The following NDRG3 variants were observed in gnomAD, a reference collection of about 807,000 sequenced individuals.
The protein encoded by NDRG3 is NDRG family member 3.
In NDRG3, 23 loss-of-function variants were observed where a neutral mutation model predicts 57.2. The ratio of observed to expected loss-of-function variants is 0.40; its 90% CI spans 0.29 to 0.57. The LOEUF is 0.57. NDRG3 is among the 20% of genes least tolerant of loss of function. The pLI is 0.42. For synonymous variants in NDRG3, 132 were observed against 162.6 expected (o/e 0.81, Z 1.43); for missense variants, 384 against 457.3 (o/e 0.84, Z 1.46).
chr20:36,717,577 G>T (rs900866950), intron 2 of NDRG3, among the ~76,000 whole-genome samples: 1 of 152,138 alleles, frequency 6.6e-6, no homozygotes, highest in African/African-American at 2.4e-5. Flanking sequence ...TTCTTTACTG[G>T]GCAAACCAGC....
rs1323097755 is a variant in NDRG3 at position 36,715,028 on chromosome 20, A to G, written c.57+6651T>C. Among the ~76,000 whole-genome samples, 22 of 115,198 alleles carry G rather than the reference A, an allele frequency of 1.9e-4. 1 individual carries two copies. Among genetic ancestry groups the G allele is most frequent in the African/African-American group, 5.9e-4 (16 of 27,188 alleles). The allele number at this position is 115,198 out of a possible 152,430, so 75.6% of individuals were successfully genotyped here. ...TGTGTATATATATATATATATATAT[A>G]TATATATATATATATATATATATAT... On this transcript the variant is annotated intron_variant, in intron 2 of 15. Transcript: ENST00000349004.
chr20:36,711,985 TA>T (rs1454433513), intron 2 of NDRG3, among the ~76,000 whole-genome samples: 1 of 152,222 alleles, frequency 6.6e-6, no homozygotes, highest in African/African-American at 2.4e-5. Context: ...TTCACCATGT[TA>T]GCCAGGATGG....
rs370368164 is a variant in NDRG3 at position 36,653,661 on chromosome 20, G to C, written c.987C>G (p.Thr329=). The change falls in exon 16 of 16, where the codon ACC becomes ACG. Residue 329 remains threonine, a synonymous_variant. Transcript: ENST00000349004. This position sits in a 1 kb window ranked among gnomAD's most constrained non-coding sequence, Gnocchi z 4.2. The part of the protein sequence containing the change: ...ASMTRLARSR[T]HSTSSSLGSG... ...AGCCGAGGCTACTCGAGGTTGAGTGGGTTCGTGATCGGGCGAGCCGAGTCA... is the reference window on the plus strand; with the variant it reads ...AGCCGAGGCTACTCGAGGTTGAGTGCGTTCGTGATCGGGCGAGCCGAGTCA... 1.2e-6 allele frequency: 2 copies of C among 1,614,112 alleles called. No homozygotes were observed. Among genetic ancestry groups the C allele is most frequent in the Non-Finnish European group, 8.5e-7 (1 of 1,180,046 alleles).
chr20:36,700,113 CAA>C (rs1294581784), intron 3 of NDRG3, among the ~76,000 whole-genome samples: 8 of 47,104 alleles, frequency 1.7e-4, no homozygotes, highest in Non-Finnish European at 2.8e-4. Flanking sequence ...CAATCAGTCT[CAA>C]AAAAAAAAAA....
At chr20:36,742,667 C>G (rs1234765330) in intron 1 of NDRG3, among the ~76,000 whole-genome samples, 1 of 152,088 alleles carries the variant, frequency 6.6e-6, no homozygotes, top group East Asian at 1.9e-4. Context: ...CCATTATAGT[C>G]TAATATTGCT....
In NDRG3 at chr20:36,653,329, A is replaced by C. The variant is rs1001416723; in HGVS notation, c.*191T>G. The C allele has an allele frequency of 9.1e-6, 5 of 549,920 alleles. No homozygotes were observed. The highest frequency in any genetic ancestry group is 1.3e-5 in the Non-Finnish European group (4 of 310,792). The allele number at this position is 549,920 out of a possible 1,614,324, so 34.1% of individuals were successfully genotyped here. A position where few individuals can be genotyped will look rare whatever the true frequency, so the allele number is the denominator to read the frequency against. On this transcript the variant is annotated 3_prime_UTR_variant, in exon 16 of 16. Transcript: ENST00000349004. The surrounding 1 kb of genome is among the most constrained non-coding windows in gnomAD (Gnocchi z 4.2). ...TTGGAATGTTACAGTATGGCATGGA[A>C]GTGGTTCTTGGGCTATACAAAAAAG... is the stretch of plus-strand genomic sequence containing the variant.
intron 10 of NDRG3, 41 bp from the exon 11 acceptor site, chr20:36,665,342 G>A: frequency 6.3e-7 from 1 of 1,581,880 alleles, no homozygotes; most frequent in Non-Finnish European, 8.7e-7. Flanking sequence ...TTTGGGTAAA[G>A]TCATAGCAAC....
intron 3 of NDRG3, among the ~76,000 whole-genome samples, chr20:36,702,296 CG>C (rs2148160394): frequency 6.6e-6 from 1 of 152,070 alleles, no homozygotes; most frequent in Non-Finnish European, 1.5e-5. Flanking sequence ...GCCACTATGC[CG>C]GCTAATTTTT....
intron 2 of NDRG3, among the ~76,000 whole-genome samples, chr20:36,717,675 C>T (rs1012987993): frequency 3.9e-5 from 6 of 152,180 alleles, no homozygotes; most frequent in African/African-American, 9.7e-5. Flanking sequence ...ATGTAAAGCA[C>T]TTGGCACATA....
chr20:36,665,192 T>C, intron 11 of NDRG3, 44 bp downstream of exon 11: 1 of 1,601,454 alleles, frequency 6.2e-7, no homozygotes, highest in Non-Finnish European at 8.6e-7. Flanking sequence ...AACACCAAAT[T>C]AGTCTATATT....
chr20:36,719,688 G>A (rs1381310550), intron 2 of NDRG3, among the ~76,000 whole-genome samples: 7 of 79,972 alleles, frequency 8.8e-5, no homozygotes, highest in Non-Finnish European at 1.2e-4. Flanking sequence ...CCGCCCCTCC[G>A]CCCATCCATC....
In NDRG3 at chr20:36,671,376, C is replaced by T. The variant is rs752761597; in HGVS notation, c.553G>A (p.Val185Ile). Residue 185 changes from valine (V) to isoleucine (I), a missense_variant, in exon 9 of 16, where the codon GTT becomes ATT. Physicochemically the swap from Val to Ile is conservative, Grantham distance 29. Coordinates refer to ENST00000349004, the MANE Select transcript of NDRG3 (RefSeq NM_032013.4). ...ASKLSGLTTN[V>I]VDIILAHHFG... is the part of the protein sequence containing the mutation. ...TGATGAGCCAAAATAATGTCCACAA[C>T]ATTGGTTGTCAGGCCAGAGAGCTGA... is the stretch of plus-strand genomic sequence containing the variant. 1 of 1,613,946 alleles carries T rather than the reference C, an allele frequency of 6.2e-7. No individual in the cohort carries two copies. Among genetic ancestry groups the T allele is most frequent in the Non-Finnish European group, 8.5e-7 (1 of 1,179,874 alleles).
At chr20:36,712,393 C>A (rs541580909) in intron 2 of NDRG3, among the ~76,000 whole-genome samples, 1 of 124,302 alleles carries the variant, frequency 8.0e-6, no homozygotes, top group Admixed American at 8.2e-5. Context: ...TTTTCTTTTT[C>A]TTTTTTTTTT....
intron 3 of NDRG3, among the ~76,000 whole-genome samples, chr20:36,696,216 C>T (rs553213173): frequency 5.3e-5 from 8 of 152,296 alleles, no homozygotes; most frequent in Non-Finnish European, 1.0e-4. Flanking sequence ...CCTGCCTCAG[C>T]CTCCCAAGTA....
chr20:36,681,190 G>A (rs1460420213), intron 7 of NDRG3, among the ~76,000 whole-genome samples: 1 of 152,114 alleles, frequency 6.6e-6, no homozygotes, highest in Non-Finnish European at 1.5e-5. Flanking sequence ...TCCTCATTGG[G>A]AAAGTGCGCT....
At chr20:36,668,172 G>A (rs1979800132) in intron 9 of NDRG3, among the ~76,000 whole-genome samples, 1 of 152,138 alleles carries the variant, frequency 6.6e-6, no homozygotes, top group African/African-American at 2.4e-5. Flanking sequence ...AGCCCAGGAG[G>A]TCGAGGCTGC....
intron 1 of NDRG3, among the ~76,000 whole-genome samples, chr20:36,730,304 G>A (rs1345706389): frequency 6.6e-6 from 1 of 151,304 alleles, no homozygotes; most frequent in African/African-American, 2.4e-5. Flanking sequence ...CACTCGGCTG[G>A]AGTGCAGTGG....
intron 1 of NDRG3, among the ~76,000 whole-genome samples, chr20:36,724,388 T>C (rs1984793121): frequency 6.6e-6 from 1 of 152,186 alleles, no homozygotes; most frequent in East Asian, 1.9e-4. Flanking sequence ...AGCTACTTAA[T>C]GCCCAGAAGT....
At chr20:36,697,287 T>C (rs1044406483) in intron 3 of NDRG3, among the ~76,000 whole-genome samples, 2 of 152,234 alleles carry the variant, frequency 1.3e-5, no homozygotes, top group African/African-American at 4.8e-5. Context: ...TGGCCGCATT[T>C]ACACAAAACA....
Sources: gnomAD v4.1 joint callset for allele counts (sites outside exome capture counted in the v4.1 genomes callset) on GRCh38, gnomAD v4.1.1 for gene constraint, Gnocchi (gnomAD v3.1) non-coding constraint, MANE v1.5 for transcripts, NCBI Gene and HGNC (gene_info 2026-07-23, HGNC 2026-07-21) for gene names.